The following PDS5B variants were observed in gnomAD, a reference collection of about 807,000 sequenced individuals.
PDS5B encodes the protein PDS5 cohesin associated factor B, also known as sister chromatid cohesion protein PDS5 homolog B.
PDS5B carries 51 observed loss-of-function variants against 184.1 expected under a neutral mutation model. The ratio of observed to expected loss-of-function variants is 0.28; its 90% CI spans 0.22 to 0.35. PDS5B has a LOEUF of 0.35. Ranked by LOEUF, PDS5B falls within the 10% of genes least tolerant of loss-of-function variation. PDS5B has a pLI of 1.00. For synonymous variants in PDS5B, 566 were observed against 569.2 expected (o/e 0.99, Z 0.08); for missense variants, 1,180 against 1,723.3 (o/e 0.68, Z 5.58).
chr13:32,681,790 T>C (rs1256336260), intron 10 of PDS5B, among the ~76,000 whole-genome samples: 1 of 152,168 alleles, frequency 6.6e-6, no homozygotes, highest in East Asian at 1.9e-4. Context: ...TATACTGTAG[T>C]GCTTCTCAAC....
chr13:32,704,736 G>C (rs1013587660), intron 17 of PDS5B, among the ~76,000 whole-genome samples: 1 of 152,304 alleles, frequency 6.6e-6, no homozygotes, highest in East Asian at 1.9e-4. Flanking sequence ...TTTATTGGCT[G>C]TTCCTAAGCA....
chr13:32,717,101 G>A (rs1169325749), intron 19 of PDS5B, among the ~76,000 whole-genome samples: 9 of 134,946 alleles, frequency 6.7e-5, no homozygotes, highest in African/African-American at 1.1e-4. Context: ...CAGCCGCCCC[G>A]TCCGGGAGGT....
chr13:32,590,132 TAAG>T (rs1415679625), intron 1 of PDS5B, among the ~76,000 whole-genome samples: 2 of 152,190 alleles, frequency 1.3e-5, no homozygotes, highest in Non-Finnish European at 2.9e-5. Context: ...ACATTAATAA[TAAG>T]TAGTAATTAA....
At chr13:32,688,376 T>G in intron 12 of PDS5B, 80 bp from the exon 13 acceptor site, 1 of 687,908 alleles carries the variant, frequency 1.5e-6, no homozygotes, top group East Asian at 2.7e-5. Context: ...TATATGTTCT[T>G]TACATAGTTT....
chr13:32,604,230 C>A (rs1005117675), intron 1 of PDS5B, among the ~76,000 whole-genome samples: 22 of 152,076 alleles, frequency 1.4e-4, no homozygotes, highest in African/African-American at 5.1e-4. Flanking sequence ...AATAGCTCTT[C>A]TTATTGTGAG....
intron 1 of PDS5B, among the ~76,000 whole-genome samples, chr13:32,606,087 T>C (rs2140495841): frequency 6.6e-6 from 1 of 152,360 alleles, no homozygotes; most frequent in Admixed American, 6.5e-5. Flanking sequence ...AATATTGTTA[T>C]GTGTGAATTT....
chr13:32,713,945 G>A (rs151278773), intron 19 of PDS5B, among the ~76,000 whole-genome samples: 1,996 of 152,176 alleles, frequency 0.013, 28 homozygotes, highest in South Asian at 0.062. Flanking sequence ...TTCCTAAGCG[G>A]CGGCCGGCTT....
At chr13:32,640,200 T>C (rs2058634983) in intron 1 of PDS5B, among the ~76,000 whole-genome samples, 1 of 152,200 alleles carries the variant, frequency 6.6e-6, no homozygotes, top group South Asian at 2.1e-4. Context: ...TAATTAATGA[T>C]CATTTTATTT....
chr13:32,602,095 T>G (rs1481365167), intron 1 of PDS5B, among the ~76,000 whole-genome samples: 1 of 147,310 alleles, frequency 6.8e-6, no homozygotes, highest in African/African-American at 2.7e-5. Context: ...AATCCTTGTC[T>G]TTTTTTTAAA....
intron 16 of PDS5B, among the ~76,000 whole-genome samples, chr13:32,700,758 G>A (rs1176280046): frequency 6.6e-6 from 1 of 151,984 alleles, no homozygotes; most frequent in East Asian, 1.9e-4. Flanking sequence ...TGGCTTTGCT[G>A]TCTTGCTTAT....
chr13:32,670,433 G>C (rs987662300), intron 7 of PDS5B, among the ~76,000 whole-genome samples: 1 of 152,080 alleles, frequency 6.6e-6, no homozygotes, highest in Non-Finnish European at 1.5e-5. Flanking sequence ...TCACCATGTT[G>C]CCCAGGCTGT....
chr13:32,591,935 T>C (rs1448761251), intron 1 of PDS5B, among the ~76,000 whole-genome samples: 1 of 152,190 alleles, frequency 6.6e-6, no homozygotes, highest in Non-Finnish European at 1.5e-5. Context: ...ATGGAGAGGC[T>C]ACAGCACCTG....
At chr13:32,646,604 C>T (rs528616694) in intron 1 of PDS5B, among the ~76,000 whole-genome samples, 16 of 150,604 alleles carry the variant, frequency 1.1e-4, no homozygotes, top group Admixed American at 4.6e-4. Flanking sequence ...TTTAGCTTAA[C>T]GGGTTTTAGT....
intron 1 of PDS5B, among the ~76,000 whole-genome samples, chr13:32,635,479 G>A (rs2058534703): frequency 6.6e-6 from 1 of 151,562 alleles, no homozygotes; most frequent in African/African-American, 2.4e-5. Flanking sequence ...AGGTAGCTGG[G>A]ATTACAGGTG....
chr13:32,760,956 A>C (rs1180673035), intron 30 of PDS5B, among the ~76,000 whole-genome samples: 4 of 152,218 alleles, frequency 2.6e-5, no homozygotes, highest in Non-Finnish European at 5.9e-5. Flanking sequence ...GTGTTAGTAC[A>C]CATAAACTAG....
At chr13:32,741,292 G>C (rs1953540183) in intron 22 of PDS5B, 144 bp downstream of exon 22, 2 of 518,474 alleles carry the variant, frequency 3.9e-6, no homozygotes, top group Admixed American at 3.8e-5. Flanking sequence ...TGTGCTGTGA[G>C]ACTATAGGGT....
At chr13:32,586,911 C>T (rs1218037249) in intron 1 of PDS5B, among the ~76,000 whole-genome samples, 3 of 139,118 alleles carry the variant, frequency 2.2e-5, no homozygotes, top group Non-Finnish European at 4.7e-5. Context: ...GCTCTGATCC[C>T]GGCCGGGGCG....
chr13:32,698,273 C>T (rs1175360809), intron 15 of PDS5B, among the ~76,000 whole-genome samples: 1 of 151,858 alleles, frequency 6.6e-6, no homozygotes, highest in African/African-American at 2.4e-5. Context: ...CTTATTGTAG[C>T]CTTTATTATG....
intron 6 of PDS5B, among the ~76,000 whole-genome samples, chr13:32,666,349 G>T (rs1237312245): frequency 3.3e-5 from 5 of 152,174 alleles, no homozygotes; most frequent in Non-Finnish European, 7.3e-5. Context: ...AAATTGCTGG[G>T]ATTACAAGTG....
Sources: gnomAD v4.1 joint callset for allele counts (sites outside exome capture counted in the v4.1 genomes callset) on GRCh38, gnomAD v4.1.1 for gene constraint, MANE v1.5 for transcripts, NCBI Gene and HGNC (gene_info 2026-07-23, HGNC 2026-07-21) for gene names.